Variants in SH3PXD2A observed in about 807,000 individuals in gnomAD.
SH3PXD2A encodes SH3 and PX domains 2A.
SH3PXD2A carries 32 observed loss-of-function variants against 115.2 expected under a neutral mutation model. The ratio of observed to expected loss-of-function variants is 0.28; its 90% CI spans 0.21 to 0.37. The LOEUF is 0.37. Ranked by LOEUF, SH3PXD2A falls within the 10% of genes least tolerant of loss-of-function variation. SH3PXD2A has a pLI of 1.00. For missense variants in SH3PXD2A, 1,328 were observed against 1,498.7 expected (o/e 0.89, Z 1.88); for synonymous variants, 610 against 629.1 (o/e 0.97, Z 0.45).
chr10:103,732,326 C>G (rs1384811005), intron 4 of SH3PXD2A, among the ~76,000 whole-genome samples: 1 of 152,148 alleles, frequency 6.6e-6, no homozygotes. Context: ...GGTCTCAGAC[C>G]ATTAAATATT....
intron 2 of SH3PXD2A, 87 bp downstream of exon 2, chr10:103,801,195 T>C: frequency 1.2e-6 from 1 of 800,672 alleles, no homozygotes. Context: ...GACAGCTCTC[T>C]TGGGGGCTCC....
intron 5 of SH3PXD2A, among the ~76,000 whole-genome samples, chr10:103,698,938 C>G (rs1003327134): frequency 6.6e-6 from 1 of 151,964 alleles, no homozygotes; most frequent in African/African-American, 2.4e-5. Context: ...GCAAGCAGCT[C>G]CAAACAGTTG....
intron 1 of SH3PXD2A, among the ~76,000 whole-genome samples, chr10:103,801,701 C>T (rs2039149593): frequency 6.6e-6 from 1 of 152,098 alleles, no homozygotes; most frequent in Admixed American, 6.6e-5. Context: ...GAGGTCACTA[C>T]ATTTTTGTTT....
At chr10:103,801,569 A>ACACACACC (rs1191349603) in intron 1 of SH3PXD2A, among the ~76,000 whole-genome samples, 47 of 150,854 alleles carry the variant, frequency 3.1e-4, no homozygotes, top group Non-Finnish European at 2.8e-4. Flanking sequence ...ACACACACAT[A>ACACACACC]CCCCTAGAGG....
At chr10:103,727,592 C>T (rs567828481) in intron 4 of SH3PXD2A, among the ~76,000 whole-genome samples, 8 of 152,292 alleles carry the variant, frequency 5.3e-5, no homozygotes, top group South Asian at 4.1e-4. Context: ...GTGCCCTCCC[C>T]GCTCAGTGTG....
At chr10:103,661,934 C>T in intron 7 of SH3PXD2A, 1 of 985,264 alleles carries the variant, frequency 1.0e-6, no homozygotes, top group African/African-American at 1.7e-5. Flanking sequence ...CTCAAGTTCG[C>T]TCCGTTCCTG....
intron 6 of SH3PXD2A, among the ~76,000 whole-genome samples, chr10:103,670,456 C>T (rs1325640781): frequency 6.6e-6 from 1 of 152,232 alleles, no homozygotes. Flanking sequence ...CTGGCAGTAA[C>T]TCCCATGAAC....
chr10:103,843,480 G>C (rs2039619962), intron 1 of SH3PXD2A, among the ~76,000 whole-genome samples: 2 of 152,220 alleles, frequency 1.3e-5, no homozygotes, highest in African/African-American at 4.8e-5. Flanking sequence ...TGAACCCTCT[G>C]AAGGGCCAGG....
At chr10:103,678,069 T>C (rs1171678500) in intron 6 of SH3PXD2A, 1 of 1,253,794 alleles carries the variant, frequency 8.0e-7, no homozygotes, top group Admixed American at 2.3e-5. Context: ...AAGAGATTTT[T>C]AGAAAAATTA....
intron 13 of SH3PXD2A, among the ~76,000 whole-genome samples, chr10:103,606,740 G>A (rs1183129608): frequency 4.6e-5 from 7 of 152,156 alleles, no homozygotes; most frequent in Admixed American, 2.0e-4. Context: ...CGAGTGATCC[G>A]CCAGCCTCGG....
chr10:103,617,516 T>G (rs2036537526), intron 10 of SH3PXD2A, among the ~76,000 whole-genome samples: 1 of 152,222 alleles, frequency 6.6e-6, no homozygotes, highest in Non-Finnish European at 1.5e-5. Context: ...AGGTCACTGC[T>G]GCTCCCAGTG....
chr10:103,724,545 C>T (rs1222504269), intron 4 of SH3PXD2A, among the ~76,000 whole-genome samples, 184 bp from the exon 5 acceptor site: 5 of 152,036 alleles, frequency 3.3e-5, no homozygotes, highest in South Asian at 2.1e-4. Flanking sequence ...AATCAAATAA[C>T]GAATCAAACA....
At chr10:103,781,910 C>T (rs928785605) in intron 2 of SH3PXD2A, among the ~76,000 whole-genome samples, 3 of 152,194 alleles carry the variant, frequency 2.0e-5, no homozygotes, top group African/African-American at 7.2e-5. Flanking sequence ...GGAGCCTCCT[C>T]CTTGCCACAG....
intron 2 of SH3PXD2A, among the ~76,000 whole-genome samples, chr10:103,781,716 G>GTT (rs2038932917): frequency 6.6e-6 from 1 of 152,180 alleles, no homozygotes; most frequent in Non-Finnish European, 1.5e-5. Context: ...TCCCACAGCT[G>GTT]TATCTATCAA....
chr10:103,810,948 G>GCACACA (rs1459501583), intron 1 of SH3PXD2A, among the ~76,000 whole-genome samples: 7 of 4,246 alleles, frequency 1.6e-3, no homozygotes, highest in African/African-American at 5.2e-3. Context: ...ACAGGCGCGC[G>GCACACA]CGCGCACACA....
chr10:103,776,049 C>T (rs2038874691), intron 2 of SH3PXD2A, among the ~76,000 whole-genome samples: 1 of 152,168 alleles, frequency 6.6e-6, no homozygotes, highest in African/African-American at 2.4e-5. Flanking sequence ...CTTCAAGAGG[C>T]CACCTATATT....
At chr10:103,747,271 G>A (rs1467480390) in intron 3 of SH3PXD2A, among the ~76,000 whole-genome samples, 1 of 152,176 alleles carries the variant, frequency 6.6e-6, no homozygotes, top group African/African-American at 2.4e-5. Flanking sequence ...AGACACAGTG[G>A]GGCCAGAGTG....
At chr10:103,614,981 G>T (rs2036487493) in intron 11 of SH3PXD2A, among the ~76,000 whole-genome samples, 2 of 152,184 alleles carry the variant, frequency 1.3e-5, no homozygotes, top group South Asian at 4.2e-4. Flanking sequence ...TAACACGTGG[G>T]TGGGAGTCAG....
At chr10:103,702,525 G>C (rs1564868358) in intron 5 of SH3PXD2A, among the ~76,000 whole-genome samples, 1 of 152,134 alleles carries the variant, frequency 6.6e-6, no homozygotes, top group Admixed American at 6.6e-5. Context: ...AAGCAGGAAG[G>C]AGATTTGGGG....
Sources: gnomAD v4.1 joint callset for allele counts (sites outside exome capture counted in the v4.1 genomes callset) on GRCh38, gnomAD v4.1.1 for gene constraint, MANE v1.5 for transcripts, NCBI Gene and HGNC (gene_info 2026-07-23, HGNC 2026-07-21) for gene names.